TNXB: variants seen among roughly 807,000 people sequenced by gnomAD.
The protein encoded by TNXB is tenascin-X.
In TNXB, 183 loss-of-function variants were observed where a neutral mutation model predicts 340.5. That is an observed-to-expected ratio of 0.54 (90% CI 0.48 to 0.61). The LOEUF (loss-of-function observed/expected upper bound fraction) is 0.61. Among genes scored for constraint, TNXB ranks in the 20% least tolerant of loss-of-function variants. The probability of loss-of-function intolerance (pLI) is 0.00; values close to 1 mark genes in which losing one functional copy is unlikely to be tolerated. For synonymous variants in TNXB, 2,121 were observed against 2,314.5 expected, an observed-to-expected ratio of 0.92 and a Z score of 2.40; for missense variants, 4,613 against 5,446.4, an observed-to-expected ratio of 0.85 and a Z score of 4.82.
rs1780437137 is a variant in TNXB, at chr6:32,096,976, C to A, written c.877G>T (p.Gly293Trp). 1 of 1,605,832 alleles carries A rather than the reference C, an allele frequency of 6.2e-7. No individual in the cohort carries two copies. The highest frequency in any genetic ancestry group is 8.5e-7 in the Non-Finnish European group (1 of 1,173,236). ...TAGCCGGGGTTACACACGCAGCGCC[C>A]ATTCTCACAGCGCCCCCTCTGACTG... The part of the protein sequence containing the change: ...GCSQRGRCEN[G>W]RCVCNPGYTG... Residue 293 changes from glycine to tryptophan, a missense_variant, in exon 3 of 44, where the codon GGG becomes TGG. Physicochemically the swap from Gly to Trp is radical, Grantham distance 184 (BLOSUM62 -2). Around this residue, in one of 7 missense-constraint regions of TNXB, gnomAD observed 4,327 missense variants for 4,859.4 expected, o/e 0.89. Coordinates refer to ENST00000644971, the MANE Select transcript of TNXB (RefSeq NM_001365276.2).
In TNXB at chr6:32,047,915, T is replaced by G; in HGVS notation, c.10143A>C (p.Glu3381Asp). ...TGTACTGGACCACGAAGGAGTCGAATTCGCCCTCAGGGACCGTCCACGAGA... is the reference window on the plus strand; with the variant it reads ...TGTACTGGACCACGAAGGAGTCGAAGTCGCCCTCAGGGACCGTCCACGAGA... ...VGLSWTVPEGEFDSFVVQYKD... is the reference protein window; with the variant it reads ...VGLSWTVPEGDFDSFVVQYKD... Residue 3381 changes from glutamate to aspartate, a missense_variant, in exon 30 of 44, where the codon GAA becomes GAC. This residue lies in a region of TNXB where 4,327 missense variants were observed against 4,859.4 expected (regional missense o/e 0.89). Transcript: ENST00000644971. This position sits in a 1 kb window ranked among gnomAD's most constrained non-coding sequence, Gnocchi z 6.2. The G allele has an allele frequency of 6.2e-7, 1 of 1,612,688 alleles. No homozygotes were observed. Among genetic ancestry groups the G allele is most frequent in the Non-Finnish European group, 8.5e-7 (1 of 1,179,698 alleles).
rs189919748 is a variant in TNXB at position 32,054,852 on chromosome 6, A to G, written c.8467+999T>C. ...CGGCTGCTTGGGGCTGGCCTGGCAC[A>G]GTCTGGTCTTGGCGTGGTCCAGTTG... On this transcript the variant is annotated intron_variant, in intron 24 of 43. Coordinates refer to ENST00000644971, the MANE Select transcript of TNXB (RefSeq NM_001365276.2). Among the ~76,000 whole-genome samples, 486 of 152,338 alleles carry G rather than the reference A, an allele frequency of 3.2e-3. 2 individuals carry two copies. Among genetic ancestry groups the G allele is most frequent in the African/African-American group, 0.011 (441 of 41,580 alleles).
In TNXB at chr6:32,046,750, G is replaced by C. The variant is rs1776914100; in HGVS notation, c.10325-294C>G. 3.0e-6 allele frequency: 1 copy of C among 337,182 alleles called. No homozygotes were observed. The highest frequency in any genetic ancestry group is 5.4e-6 in the Non-Finnish European group (1 of 184,642). The allele number at this position is 337,182 out of a possible 1,614,324, so 20.9% of individuals were successfully genotyped here. A position where few individuals can be genotyped will look rare whatever the true frequency, so the allele number is the denominator to read the frequency against. On this transcript the variant is annotated intron_variant, in intron 30 of 43. Transcript: ENST00000644971. The surrounding 1 kb of genome is among the most constrained non-coding windows in gnomAD (Gnocchi z 6.9). Reference sequence around the variant, plus strand: ...TCATCTCCCGAGGGATGGGTGGCTGGGGGTGCAGAGAGGGCCTTTGTTTAC... The same window carrying C: ...TCATCTCCCGAGGGATGGGTGGCTGCGGGTGCAGAGAGGGCCTTTGTTTAC...
At position 32,046,356 on chromosome 6, in the gene TNXB, G is replaced by A. The variant is rs201932032; in HGVS notation, c.10425C>T (p.Pro3475=). 1.9e-6 allele frequency: 3 copies of A among 1,604,762 alleles called. No homozygotes were observed. The highest frequency in any genetic ancestry group is 2.5e-6 in the Non-Finnish European group (3 of 1,177,048). Residue 3475 remains proline (P), a synonymous_variant, in exon 31 of 44, where the codon CCC becomes CCT. Coordinates refer to ENST00000644971, the MANE Select transcript of TNXB (RefSeq NM_001365276.2). The surrounding 1 kb of genome is among the most constrained non-coding windows in gnomAD (Gnocchi z 6.9). Reference sequence around the variant, plus strand: ...TGTACTGGACCACGAAGGAGTCAAAGGGGCCCTGGGCTACCGTCCAGGACA... The same window carrying A: ...TGTACTGGACCACGAAGGAGTCAAAAGGGCCCTGGGCTACCGTCCAGGACA... ...LRLSWTVAQG[P]FDSFVVQYRD... is the part of the protein sequence containing the mutation.
At position 32,070,151 on chromosome 6, in the gene TNXB, G is replaced by C. The variant is rs1427316270; in HGVS notation, c.5254C>G (p.Pro1752Ala). 6.3e-7 allele frequency: 1 copy of C among 1,591,316 alleles called. No homozygotes were observed. Among genetic ancestry groups the C allele is most frequent in the Non-Finnish European group, 8.6e-7 (1 of 1,166,526 alleles). The change falls in exon 14 of 44, where the codon CCT becomes GCT. Residue 1752 changes from proline (P) to alanine (A), a missense_variant. By Grantham distance (27) the Pro-to-Ala change is conservative. Coordinates refer to ENST00000644971, the MANE Select transcript of TNXB (RefSeq NM_001365276.2). The surrounding 1 kb of genome is among the most constrained non-coding windows in gnomAD (Gnocchi z 6.0). ...YGLLGKKRHG[P>A]LTADGTTEAR... is the part of the protein sequence containing the mutation. ...CCCGTGGTGCCGTCGGCAGTGAGAG[G>C]GCCATGGCGCTTCTTGCCCAGGAGG...
intron 1 of TNXB, among the ~76,000 whole-genome samples, chr6:32,104,619 T>C (rs1429763568): frequency 1.3e-5 from 2 of 152,126 alleles, no homozygotes; most frequent in Non-Finnish European, 2.9e-5. Flanking sequence ...ACAACTGCAA[T>C]TGCCTCCTGG....
intron 6 of TNXB, among the ~76,000 whole-genome samples, chr6:32,086,429 TC>T (rs1779782261): frequency 6.6e-6 from 1 of 151,376 alleles, no homozygotes; most frequent in Admixed American, 6.6e-5. Flanking sequence ...CCCACATACA[TC>T]CCCCCCACTG....
At position 32,083,713 on chromosome 6, in the gene TNXB, A is replaced by G. The variant is rs1582445591; in HGVS notation, c.3445+700T>C. ...GTGTGGATAGCACCCAGGCTGGAGT[A>G]CAGTGGCACAATCATGGCTCTCTGC... is the stretch of plus-strand genomic sequence containing the variant. On this transcript the variant is annotated intron_variant, in intron 8 of 43. Transcript: ENST00000644971. This position sits in a 1 kb window ranked among gnomAD's most constrained non-coding sequence, Gnocchi z 4.6. Among the ~76,000 whole-genome samples, 1 of 152,110 alleles carries G rather than the reference A, an allele frequency of 6.6e-6. No individual in the cohort carries two copies. The highest frequency in any genetic ancestry group is 2.4e-5 in the African/African-American group (1 of 41,406).
chr6:32,072,306 T>A lies in TNXB; in HGVS notation c.4682-8A>T. On this transcript the variant is annotated splice_region_variant and splice_polypyrimidine_tract_variant and intron_variant, in intron 12 of 43. Coordinates refer to ENST00000644971, the MANE Select transcript of TNXB (RefSeq NM_001365276.2). The surrounding 1 kb of genome is among the most constrained non-coding windows in gnomAD (Gnocchi z 4.4). ...GGGCTGGTGGGAGGGGAGCTGGGAT[T>A]TGGGAAGACAAAGAACATGGTTGAG... 1.9e-6 allele frequency: 3 copies of A among 1,589,152 alleles called. No individual in the cohort carries two copies. Among genetic ancestry groups the A allele is most frequent in the Non-Finnish European group, 2.6e-6 (3 of 1,165,888 alleles).
rs777178557 is a variant in TNXB at position 32,069,577 on chromosome 6, G to A, written c.5563C>T (p.Pro1855Ser). ...YGLHHGKRVG[P>S]ISAVAITAGR... is the part of the protein sequence containing the mutation. ...CCAGTAATGGCGACGGCCGAGATGG[G>A]GCCCACACGCTTGCCGTGGTGCAGC... The change falls in exon 15 of 44, where the codon CCC becomes TCC. Residue 1855 changes from proline (P) to serine (S), a missense_variant. Pro to Ser is a moderately conservative substitution (Grantham distance 74, BLOSUM62 -1). Transcript: ENST00000644971. This position sits in a 1 kb window ranked among gnomAD's most constrained non-coding sequence, Gnocchi z 6.2. 8.8e-6 allele frequency: 14 copies of A among 1,587,116 alleles called. No homozygotes were observed. The South Asian group carries it at 1.6e-4, about 18-fold the overall frequency.
intron 1 of TNXB, among the ~76,000 whole-genome samples, chr6:32,103,855 C>T (rs1780847014): frequency 6.6e-6 from 1 of 151,824 alleles, no homozygotes. Flanking sequence ...CCTCAGCCTC[C>T]CGAGTAGCTG....
chr6:32,100,277 G>T (rs1780649779), intron 1 of TNXB, among the ~76,000 whole-genome samples: 1 of 151,936 alleles, frequency 6.6e-6, no homozygotes, highest in Non-Finnish European at 1.5e-5. Flanking sequence ...GCTATTTTTT[G>T]TATTTTTAGT....
chr6:32,079,066 G>A lies in TNXB; in HGVS notation c.4342C>T (p.Arg1448Cys), dbSNP rs936775313. ...CCCACGGCGGACACCGGGCCCACGC[G>A]CTGCCCCTCGTGGAGGCCGTACAGG... ...MHLYGLHEGQ[R>C]VGPVSAVGVT... Residue 1448 changes from arginine to cysteine, a missense_variant, in exon 11 of 44, where the codon CGC (arginine) becomes TGC (cysteine). Physicochemically the swap from Arg to Cys is radical, Grantham distance 180 (BLOSUM62 -3). This residue lies in a region of TNXB where 4,327 missense variants were observed against 4,859.4 expected (regional missense o/e 0.89). Transcript: ENST00000644971. This position sits in a 1 kb window ranked among gnomAD's most constrained non-coding sequence, Gnocchi z 7.1. The A allele has an allele frequency of 1.9e-6, 3 of 1,613,164 alleles. No individual in the cohort carries two copies. The highest frequency in any genetic ancestry group is 1.3e-5 in the African/African-American group (1 of 75,022).
intron 1 of TNXB, 55 bp from the exon 2 acceptor site, chr6:32,098,261 TC>T (rs1429427419): frequency 2.3e-5 from 31 of 1,336,032 alleles, no homozygotes; most frequent in Non-Finnish European, 3.0e-5. Flanking sequence ...ACAAAATGAA[TC>T]CCCCCTTCTC....
At position 32,069,628 on chromosome 6, in the gene TNXB, G is replaced by C. The variant is rs1289838910; in HGVS notation, c.5512C>G (p.His1838Asp). ...EVSVPGLDPAHRYKLLLYGLH... is the reference protein window; with the variant it reads ...EVSVPGLDPADRYKLLLYGLH... ...CCGTAGAGCAGCAGCTTGTACCTGT[G>C]GGCAGGGTCCAGGCCCGGCACGCTG... The change falls in exon 15 of 44, where the codon CAC becomes GAC. Residue 1838 changes from histidine (H) to aspartate (D), a missense_variant. Physicochemically the swap from His to Asp is moderately conservative, Grantham distance 81 (BLOSUM62 -1). This residue lies in a region of TNXB where 4,327 missense variants were observed against 4,859.4 expected (regional missense o/e 0.89). Coordinates refer to ENST00000644971, the MANE Select transcript of TNXB (RefSeq NM_001365276.2). The surrounding 1 kb of genome is among the most constrained non-coding windows in gnomAD (Gnocchi z 6.2). 3 of 1,611,656 alleles carry C rather than the reference G, an allele frequency of 1.9e-6. No individual in the cohort carries two copies. The Admixed American group carries it at 5.0e-5, about 27-fold the overall frequency.
In TNXB at chr6:32,087,386, C is replaced by A. The variant is rs191791016; in HGVS notation, c.2780-1268G>T. The A allele has an allele frequency of 0.013, 6,211 of 470,422 alleles. 69 individuals are homozygous for A. The highest frequency in any genetic ancestry group is 0.016 in the South Asian group (1,071 of 65,982). The allele number at this position is 470,422 out of a possible 1,614,324, so 29.1% of individuals were successfully genotyped here. On this transcript the variant is annotated intron_variant, in intron 6 of 43. Transcript: ENST00000644971. The surrounding 1 kb of genome is among the most constrained non-coding windows in gnomAD (Gnocchi z 9.0). ...GTGGTGCCCGGCACAGTCAGCTCACCGCCGGGGCCCTCTGCAGGCGGCTGA... is the reference window on the plus strand; with the variant it reads ...GTGGTGCCCGGCACAGTCAGCTCACAGCCGGGGCCCTCTGCAGGCGGCTGA...
chr6:32,099,422 G>T (rs1780598505), intron 1 of TNXB, among the ~76,000 whole-genome samples: 1 of 152,068 alleles, frequency 6.6e-6, no homozygotes, highest in African/African-American at 2.4e-5. Context: ...TAGTAGAAAT[G>T]AGGTTTCACC....
In TNXB at chr6:32,061,344, C is replaced by G; in HGVS notation, c.7492+53G>C. On this transcript the variant is annotated intron_variant, in intron 21 of 43. Coordinates refer to ENST00000644971, the MANE Select transcript of TNXB (RefSeq NM_001365276.2). This position sits in a 1 kb window ranked among gnomAD's most constrained non-coding sequence, Gnocchi z 4.4. ...CTTGGTGAAAGGGCACAGCAGTAAA[C>G]CAGGTACCCATGAGGGAAAGGTGGT... 1 of 1,590,348 alleles carries G rather than the reference C, an allele frequency of 6.3e-7. No homozygotes were observed. Among genetic ancestry groups the G allele is most frequent in the Non-Finnish European group, 8.6e-7 (1 of 1,166,820 alleles).
chr6:32,056,126 G>A lies in TNXB; in HGVS notation c.8192C>T (p.Pro2731Leu), dbSNP rs440160. The change falls in exon 24 of 44, where the codon CCG becomes CTG. Residue 2731 changes from proline to leucine, a missense_variant. Pro to Leu is a moderately conservative substitution (Grantham distance 98). Around this residue, in one of 7 missense-constraint regions of TNXB, gnomAD observed 4,327 missense variants for 4,859.4 expected, o/e 0.89. Transcript: ENST00000644971. ...CAGGAGCGGCTCCTCAGGGGGCTCC[G>A]GGGCCTCAGTGCTGAGTTCCGTGGG... is the stretch of plus-strand genomic sequence containing the variant. ...PSPTELSTEA[P>L]EPPEEPLLGE... 33 of 1,612,478 alleles carry A rather than the reference G, an allele frequency of 2.0e-5. No homozygotes were observed. Among genetic ancestry groups the A allele is most frequent in the Middle Eastern group, 3.3e-4 (2 of 6,084 alleles).
Sources: gnomAD v4.1 joint callset for allele counts (sites outside exome capture counted in the v4.1 genomes callset) on GRCh38, gnomAD v4.1.1 for gene constraint, gnomAD v4.1.1 regional missense constraint, Gnocchi (gnomAD v3.1) non-coding constraint, MANE v1.5 for transcripts, NCBI Gene and HGNC (gene_info 2026-07-23, HGNC 2026-07-21) for gene names.